ZNF142: variants seen among roughly 807,000 people sequenced by gnomAD.
ZNF142 encodes the protein zinc finger protein 142.
ZNF142 carries 96 observed loss-of-function variants against 132.1 expected under a neutral mutation model. The ratio of observed to expected loss-of-function variants is 0.73; its 90% CI spans 0.62 to 0.86. ZNF142 has a LOEUF of 0.86. ZNF142 is among the 40% of genes least tolerant of loss of function. The pLI is 0.00. For synonymous variants in ZNF142, 842 were observed against 890.1 expected, an observed-to-expected ratio of 0.95 and a Z score of 0.96; for missense variants, 2,163 against 2,336.2, an observed-to-expected ratio of 0.93 and a Z score of 1.53.
intron 6 of ZNF142, among the ~76,000 whole-genome samples, chr2:218,650,022 G>A (rs916442817): frequency 6.6e-6 from 1 of 152,166 alleles, no homozygotes; most frequent in Admixed American, 6.5e-5. Context: ...AAGTATTTGA[G>A]GGCTCAGTGC....
Position 218,636,686 on chromosome 2 carries a change from G to A in ZNF142, c.*1653C>T, listed in dbSNP as rs1015317574. On this transcript the variant is annotated 3_prime_UTR_variant, in exon 11 of 11. Transcript: ENST00000411696. ...GGTGGTGAAAATCAAGCTTTGGATTGTGCATTCCTAGGCACAAAATTACCT... is the reference window on the plus strand; with the variant it reads ...GGTGGTGAAAATCAAGCTTTGGATTATGCATTCCTAGGCACAAAATTACCT... The A allele has an allele frequency of 3.3e-6, 4 of 1,218,100 alleles. No individual in the cohort carries two copies. Among genetic ancestry groups the A allele is most frequent in the Middle Eastern group, 2.0e-4 (1 of 4,902 alleles). The allele number at this position is 1,218,100 out of a possible 1,614,324, so 75.5% of individuals were successfully genotyped here. A position where few individuals can be genotyped will look rare whatever the true frequency, so the allele number is the denominator to read the frequency against.
In ZNF142 at chr2:218,644,071, T is replaced by C; in HGVS notation, c.3045A>G (p.Ala1015=). The C allele has an allele frequency of 6.2e-7, 1 of 1,614,106 alleles. No homozygotes were observed. Among genetic ancestry groups the C allele is most frequent in the Non-Finnish European group, 8.5e-7 (1 of 1,180,018 alleles). The change falls in exon 9 of 11, where the codon GCA becomes GCG. Residue 1015 remains alanine, a synonymous_variant. Transcript: ENST00000411696. The surrounding 1 kb of genome is among the most constrained non-coding windows in gnomAD (Gnocchi z 4.6). ...KALRRQDKEQ[A]EALVLEGRVQ... ...CCCGCCCCTCTAGCACCAATGCCTCTGCTTGTTCTTTGTCCTGTCTCCTTA... is the reference window on the plus strand; with the variant it reads ...CCCGCCCCTCTAGCACCAATGCCTCCGCTTGTTCTTTGTCCTGTCTCCTTA...
intron 4 of ZNF142, among the ~76,000 whole-genome samples, chr2:218,655,880 A>ATT (rs1938435809): frequency 6.6e-6 from 1 of 152,144 alleles, no homozygotes; most frequent in African/African-American, 2.4e-5. Flanking sequence ...GATTGGGCGG[A>ATT]GGTGTCAGAA....
At chr2:218,640,572 C>G in intron 10 of ZNF142, 92 bp downstream of exon 10, 2 of 1,101,364 alleles carry the variant, frequency 1.8e-6, no homozygotes, top group Non-Finnish European at 2.7e-6. Flanking sequence ...TTGATGTTGG[C>G]CCTGAATTGG....
Position 218,633,994 on chromosome 2 carries a change from G to A in ZNF142, c.*4345C>T. 2 of 1,426,196 alleles carry A rather than the reference G, an allele frequency of 1.4e-6. No individual in the cohort carries two copies. The highest frequency in any genetic ancestry group is 1.9e-6 in the Non-Finnish European group (2 of 1,051,662). 88.3% of individuals were successfully genotyped at this position (1,426,196 alleles called of 1,614,324 possible). On this transcript the variant is annotated 3_prime_UTR_variant, in exon 11 of 11. Coordinates refer to ENST00000411696, the MANE Select transcript of ZNF142 (RefSeq NM_001379659.1). ...TAGAGAGGCACAGTGAAACTTTCTG[G>A]AGCCAGCTTCAGATGCTGGAGAGAA...
chr2:218,650,215 G>T, intron 6 of ZNF142, 144 bp downstream of exon 6: 1 of 933,124 alleles, frequency 1.1e-6, no homozygotes, highest in Non-Finnish European at 1.6e-6. Flanking sequence ...TTTCCCACTA[G>T]ACCTTGACTT....
chr2:218,636,189 C>A lies in ZNF142; in HGVS notation c.*2150G>T. The A allele has an allele frequency of 6.4e-7, 1 of 1,565,958 alleles. No individual in the cohort carries two copies. Among genetic ancestry groups the A allele is most frequent in the Non-Finnish European group, 8.8e-7 (1 of 1,138,282 alleles). On this transcript the variant is annotated 3_prime_UTR_variant, in exon 11 of 11. Transcript: ENST00000411696. ...AAATGAGAACACAAGAAAAGCAACC[C>A]AGTCAAGAAAACTGTCATAATGTCT... is the stretch of plus-strand genomic sequence containing the variant.
rs573440921 is a variant in ZNF142, at chr2:218,651,878, C to T, written c.703G>A (p.Gly235Arg). The T allele has an allele frequency of 2.6e-5, 33 of 1,289,782 alleles. No homozygotes were observed. Among genetic ancestry groups the T allele is most frequent in the Admixed American group, 6.9e-5 (3 of 43,578 alleles). The allele number at this position is 1,289,782 out of a possible 1,614,324, so 79.9% of individuals were successfully genotyped here. ...CSFRGCPLLF[G>R]SQQGMELHRQ... The stretch of plus-strand genomic sequence containing the variant: ...TGCAGCTCCATGCCCTGCTGGCTCC[C>T]GAAAAGCAGGGGGCAGCCCCGGAAA... Residue 235 changes from glycine to arginine, a missense_variant, in exon 5 of 11, where the codon GGG becomes AGG. By Grantham distance (125) the Gly-to-Arg change is moderately radical. Transcript: ENST00000411696.
At chr2:218,651,496 C>T (rs1408851554) in intron 5 of ZNF142, among the ~76,000 whole-genome samples, 1 of 152,224 alleles carries the variant, frequency 6.6e-6, no homozygotes, top group African/African-American at 2.4e-5. Context: ...CTCATTGTCA[C>T]AAACAAAGAC....
rs1696782390 is a variant in ZNF142 at position 218,636,751 on chromosome 2, C to G, written c.*1588G>C. Reference sequence around the variant, plus strand: ...AGCAATCTGGGACCTGATTTTCCACCTTTTTTCTCTTTTCTTCCCTTCCTT... The same window carrying G: ...AGCAATCTGGGACCTGATTTTCCACGTTTTTTCTCTTTTCTTCCCTTCCTT... On this transcript the variant is annotated 3_prime_UTR_variant, in exon 11 of 11. Coordinates refer to ENST00000411696, the MANE Select transcript of ZNF142 (RefSeq NM_001379659.1). The G allele has an allele frequency of 4.3e-6, 3 of 705,820 alleles. No individual in the cohort carries two copies. Among genetic ancestry groups the G allele is most frequent in the East Asian group, 5.6e-5 (2 of 35,990 alleles). 43.7% of individuals were successfully genotyped at this position (705,820 alleles called of 1,614,324 possible).
At position 218,635,972 on chromosome 2, in the gene ZNF142, T is replaced by C. The variant is rs935437081; in HGVS notation, c.*2367A>G. On this transcript the variant is annotated 3_prime_UTR_variant, in exon 11 of 11. Coordinates refer to ENST00000411696, the MANE Select transcript of ZNF142 (RefSeq NM_001379659.1). ...TGCTGGGGAGGTGGGGGTAGGAGCA[T>C]GATTAGTTTTCCTTCTAGTCTGTCT... is the stretch of plus-strand genomic sequence containing the variant. 5.6e-6 allele frequency: 9 copies of C among 1,613,288 alleles called. No homozygotes were observed. The highest frequency in any genetic ancestry group is 7.6e-6 in the Non-Finnish European group (9 of 1,179,404).
chr2:218,644,133 G>A lies in ZNF142; in HGVS notation c.2983C>T (p.Pro995Ser), dbSNP rs1201196323. 6.2e-7 allele frequency: 1 copy of A among 1,614,088 alleles called. No individual in the cohort carries two copies. Among genetic ancestry groups the A allele is most frequent in the African/African-American group, 1.3e-5 (1 of 75,000 alleles). The change falls in exon 9 of 11, where the codon CCC becomes TCC. Residue 995 changes from proline (P) to serine (S), a missense_variant. Pro to Ser is a moderately conservative substitution (Grantham distance 74). Transcript: ENST00000411696. The surrounding 1 kb of genome is among the most constrained non-coding windows in gnomAD (Gnocchi z 4.6). Reference sequence around the variant, plus strand: ...AATGACTCTGACTCAGGTAATGGGGGCAAGGGTGCTGTCTCAGCAGGTGGA... The same window carrying A: ...AATGACTCTGACTCAGGTAATGGGGACAAGGGTGCTGTCTCAGCAGGTGGA... Reference protein sequence around the residue: ...TTPPAETAPLPPLPESESLLK... With the variant: ...TTPPAETAPLSPLPESESLLK...
Position 218,634,060 on chromosome 2 carries a change from G to A in ZNF142, c.*4279C>T. 6.4e-7 allele frequency: 1 copy of A among 1,563,548 alleles called. No individual in the cohort carries two copies. The highest frequency in any genetic ancestry group is 8.7e-7 in the Non-Finnish European group (1 of 1,153,736). ...ATGGTCCTTGGGACTAGGGAAGTGGGAGATTCCACCCCACTTCCATCTCCC... is the reference window on the plus strand; with the variant it reads ...ATGGTCCTTGGGACTAGGGAAGTGGAAGATTCCACCCCACTTCCATCTCCC... On this transcript the variant is annotated 3_prime_UTR_variant, in exon 11 of 11. Coordinates refer to ENST00000411696, the MANE Select transcript of ZNF142 (RefSeq NM_001379659.1). This position sits in a 1 kb window ranked among gnomAD's most constrained non-coding sequence, Gnocchi z 4.0.
Position 218,636,327 on chromosome 2 carries a change from A to G in ZNF142, c.*2012T>C. 2 of 1,614,004 alleles carry G rather than the reference A, an allele frequency of 1.2e-6. No individual in the cohort carries two copies. The highest frequency in any genetic ancestry group is 8.5e-7 in the Non-Finnish European group (1 of 1,179,900). On this transcript the variant is annotated 3_prime_UTR_variant, in exon 11 of 11. Coordinates refer to ENST00000411696, the MANE Select transcript of ZNF142 (RefSeq NM_001379659.1). The stretch of plus-strand genomic sequence containing the variant: ...ATGCTGCGTTTTGTGGTAATGGATT[A>G]TGACTGGAAATCCCGAAATGACTTT...
At chr2:218,639,514 C>G (rs560570222) in intron 10 of ZNF142, among the ~76,000 whole-genome samples, 1 of 152,108 alleles carries the variant, frequency 6.6e-6, no homozygotes, top group East Asian at 1.9e-4. Context: ...TTAAACACAA[C>G]GGCTTGTTCA....
Position 218,644,573 on chromosome 2 carries a change from A to C in ZNF142, c.2543T>G (p.Val848Gly), listed in dbSNP as rs757455463. ...CAGGGCCTGGTCCAAGCTGGGGTCC[A>C]CCACAGTCCCAGGTTCGTGACCTGG... is the stretch of plus-strand genomic sequence containing the variant. The part of the protein sequence containing the change: ...EGPGHEPGTV[V>G]DPSLDQALPE... The change falls in exon 9 of 11, where the codon GTG (valine) becomes GGG (glycine). Residue 848 changes from valine to glycine, a missense_variant. By Grantham distance (109) the Val-to-Gly change is moderately radical. Around this residue, in one of 7 missense-constraint regions of ZNF142, gnomAD observed 749 missense variants for 830.3 expected, o/e 0.90. Coordinates refer to ENST00000411696, the MANE Select transcript of ZNF142 (RefSeq NM_001379659.1). This position sits in a 1 kb window ranked among gnomAD's most constrained non-coding sequence, Gnocchi z 4.6. The C allele has an allele frequency of 6.2e-7, 1 of 1,613,974 alleles. No individual in the cohort carries two copies. The highest frequency in any genetic ancestry group is 2.2e-5 in the East Asian group (1 of 44,894).
rs899592686 is a variant in ZNF142, at chr2:218,642,288, C to T, written c.4828G>A (p.Val1610Met). 9 of 1,614,016 alleles carry T rather than the reference C, an allele frequency of 5.6e-6. No homozygotes were observed. In the African/African-American group the frequency reaches 6.7e-5, roughly 12 times the overall value. The change falls in exon 9 of 11, where the codon GTG (valine) becomes ATG (methionine). Residue 1610 changes from valine (V) to methionine (M), a missense_variant. Val to Met is a conservative substitution (Grantham distance 21). Transcript: ENST00000411696. This position sits in a 1 kb window ranked among gnomAD's most constrained non-coding sequence, Gnocchi z 4.6. ...TCCCCATCCCCATCTGAGGCTGCCA[C>T]GGCTGCTGAAGTCTCCTCATGCTGT... The part of the protein sequence containing the change: ...LEQHEETSAA[V>M]AASDGDGDAG...
Position 218,649,081 on chromosome 2 carries a change from G to A in ZNF142, c.1427C>T (p.Thr476Met), listed in dbSNP as rs748429539. 5.0e-6 allele frequency: 8 copies of A among 1,613,742 alleles called. No homozygotes were observed. The highest frequency in any genetic ancestry group is 2.7e-5 in the African/African-American group (2 of 74,938). ...TAATGGCTCTGCTGCGGCTGCTGCCGTGTGGCTCTTGAGGTGCTCCTTTAG... is the reference window on the plus strand; with the variant it reads ...TAATGGCTCTGCTGCGGCTGCTGCCATGTGGCTCTTGAGGTGCTCCTTTAG... The part of the protein sequence containing the change: ...QALKEHLKSH[T>M]AAAAAEPLPL... Residue 476 changes from threonine to methionine, a missense_variant, in exon 7 of 11, where the codon ACG (threonine) becomes ATG (methionine). Physicochemically the swap from Thr to Met is moderately conservative, Grantham distance 81. This residue lies in a region of ZNF142 where 749 missense variants were observed against 830.3 expected (regional missense o/e 0.90). Coordinates refer to ENST00000411696, the MANE Select transcript of ZNF142 (RefSeq NM_001379659.1).
intron 4 of ZNF142, among the ~76,000 whole-genome samples, chr2:218,654,413 C>CTAGG (rs973577715): frequency 4.7e-5 from 7 of 150,132 alleles, no homozygotes; most frequent in Non-Finnish European, 1.0e-4. Context: ...GTTGTCCAGG[C>CTAGG]TAGGGTTCAG....
Sources: gnomAD v4.1 joint callset for allele counts (sites outside exome capture counted in the v4.1 genomes callset) on GRCh38, gnomAD v4.1.1 for gene constraint, gnomAD v4.1.1 regional missense constraint, Gnocchi (gnomAD v3.1) non-coding constraint, MANE v1.5 for transcripts, NCBI Gene and HGNC (gene_info 2026-07-23, HGNC 2026-07-21) for gene names.